LIMS1: variants seen among roughly 807,000 people sequenced by gnomAD.
The protein encoded by LIMS1 is LIM zinc finger domain containing 1.
A neutral mutation model predicts 44.1 loss-of-function variants in LIMS1; 18 were observed. That is an observed-to-expected ratio of 0.41 (90% confidence interval 0.28 to 0.61). The LOEUF (loss-of-function observed/expected upper bound fraction) is 0.61. Ranked by LOEUF, LIMS1 falls within the 20% of genes least tolerant of loss-of-function variation. The probability of loss-of-function intolerance (pLI) is 0.32; values close to 1 mark genes in which losing one functional copy is unlikely to be tolerated. For missense variants in LIMS1, 201 were observed against 422.0 expected, an observed-to-expected ratio of 0.48 and a Z score of 4.59; for synonymous variants, 93 against 149.1, an observed-to-expected ratio of 0.62 and a Z score of 2.74.
At chr2:108,546,000 A>G (rs1558781433) in intron 1 of LIMS1, among the ~76,000 whole-genome samples, 1 of 152,354 alleles carries the variant, frequency 6.6e-6, no homozygotes, top group East Asian at 1.9e-4. Flanking sequence ...TAATCTGATG[A>G]TACAATCTGA....
At chr2:108,551,483 G>GCA (rs1684694635) in intron 1 of LIMS1, among the ~76,000 whole-genome samples, 2 of 64,036 alleles carry the variant, frequency 3.1e-5, no homozygotes, top group Non-Finnish European at 5.9e-5. Flanking sequence ...ACATATATGC[G>GCA]CGCGCGCGCA....
chr2:108,677,689 T>G (rs1692665764), intron 7 of LIMS1, among the ~76,000 whole-genome samples: 2 of 152,124 alleles, frequency 1.3e-5, no homozygotes, highest in Admixed American at 1.3e-4. Flanking sequence ...CCACCTCCTC[T>G]CCCGTCTATA....
intron 1 of LIMS1, among the ~76,000 whole-genome samples, chr2:108,572,608 A>T (rs763619344): frequency 2.6e-5 from 4 of 151,332 alleles, no homozygotes; most frequent in Non-Finnish European, 4.4e-5. Context: ...TGGGTCTCGA[A>T]CTCCTGACCT....
chr2:108,608,799 T>C (rs1319915880), intron 1 of LIMS1, among the ~76,000 whole-genome samples: 1 of 152,168 alleles, frequency 6.6e-6, no homozygotes, highest in Non-Finnish European at 1.5e-5. Flanking sequence ...CACTCACCAG[T>C]TGGGAGCCCA....
rs869039624 is a variant in LIMS1, at chr2:108,681,427, CT to C, written c.899+667del. ...AACACCATATAGTATACATTTCTTTCTTTTTTTTTTAATGGATTTAAAGGGA... is the reference window on the plus strand; with the variant it reads ...AACACCATATAGTATACATTTCTTTCTTTTTTTTTAATGGATTTAAAGGGA... On this transcript the variant is annotated intron_variant, in intron 9 of 9. Transcript: ENST00000544547. 5,999 of 852,248 alleles carry C rather than the reference CT, an allele frequency of 7.0e-3. 31 individuals carry two copies. Among genetic ancestry groups the C allele is most frequent in the Non-Finnish European group, 8.1e-3 (5,751 of 709,528 alleles). The allele number at this position is 852,248 out of a possible 1,614,324, so 52.8% of individuals were successfully genotyped here.
At chr2:108,576,895 G>T (rs1338786726) in intron 1 of LIMS1, among the ~76,000 whole-genome samples, 1 of 152,156 alleles carries the variant, frequency 6.6e-6, no homozygotes, top group African/African-American at 2.4e-5. Flanking sequence ...TCAAGGACAG[G>T]GAGAACTCCC....
intron 1 of LIMS1, among the ~76,000 whole-genome samples, chr2:108,620,986 CT>C (rs1183439939): frequency 6.6e-6 from 1 of 152,208 alleles, no homozygotes. Flanking sequence ...GACTACCTTA[CT>C]GGAGCTTTTT....
intron 1 of LIMS1, among the ~76,000 whole-genome samples, chr2:108,641,886 G>A (rs956620116): frequency 1.3e-5 from 2 of 152,226 alleles, no homozygotes; most frequent in African/African-American, 4.8e-5. Flanking sequence ...TACAAAATGG[G>A]AAGGAACTTC....
chr2:108,673,169 A>G (rs1265576161), intron 5 of LIMS1, 140 bp downstream of exon 5: 18 of 1,293,918 alleles, frequency 1.4e-5, no homozygotes, highest in East Asian at 4.9e-5. Context: ...AGACGAGTCA[A>G]GAGAATGATA....
intron 1 of LIMS1, among the ~76,000 whole-genome samples, chr2:108,645,032 C>A (rs909485741): frequency 3.9e-5 from 6 of 152,094 alleles, no homozygotes; most frequent in Middle Eastern, 3.4e-3. Flanking sequence ...GATTGGTATA[C>A]CTGAAAGTGA....
At chr2:108,557,781 G>A (rs1005202738) in intron 1 of LIMS1, among the ~76,000 whole-genome samples, 2 of 152,272 alleles carry the variant, frequency 1.3e-5, no homozygotes, top group Non-Finnish European at 1.5e-5. Flanking sequence ...CTCCCAAAGC[G>A]CTAGAATTAC....
At chr2:108,674,719 CA>C (rs59992301) in intron 5 of LIMS1, among the ~76,000 whole-genome samples, 615 of 43,754 alleles carry the variant, frequency 0.014, 19 homozygotes, top group East Asian at 0.035. Flanking sequence ...AGACTCGTCT[CA>C]AAAAAAAAAA....
In LIMS1 at chr2:108,566,267, C is replaced by T. The variant is rs141981717; in HGVS notation, c.32+31673C>T. On this transcript the variant is annotated intron_variant, in intron 1 of 9. Transcript: ENST00000544547. Reference sequence around the variant, plus strand: ...GCATATCACGCAGAGCAGTGCAAGACTCAGTAAGGCTTTAATTCATGTAAG... The same window carrying T: ...GCATATCACGCAGAGCAGTGCAAGATTCAGTAAGGCTTTAATTCATGTAAG... Among the ~76,000 whole-genome samples, 579 of 152,250 alleles carry T rather than the reference C, an allele frequency of 3.8e-3. 3 individuals carry two copies. The highest frequency in any genetic ancestry group is 0.011 in the South Asian group (52 of 4,826).
chr2:108,671,918 G>A (rs1305829516), intron 3 of LIMS1, among the ~76,000 whole-genome samples: 19 of 152,260 alleles, frequency 1.2e-4, no homozygotes, highest in African/African-American at 7.2e-5. Context: ...GGTGGCTCAC[G>A]CCTATAATCC....
At chr2:108,667,549 A>ATATATATATAT (rs1321611682) in intron 2 of LIMS1, among the ~76,000 whole-genome samples, 19 of 73,436 alleles carry the variant, frequency 2.6e-4, no homozygotes, top group African/African-American at 8.5e-4. Flanking sequence ...AAAAAAAAAA[A>ATATATATATAT]AAATATATAT....
chr2:108,569,744 ACACT>A (rs1685416954), intron 1 of LIMS1, among the ~76,000 whole-genome samples: 1 of 139,380 alleles, frequency 7.2e-6, no homozygotes, highest in South Asian at 2.5e-4. Context: ...AGCATTACAA[ACACT>A]CACCGCCATA....
chr2:108,534,419 C>T (rs1361559551), exon 1 of LIMS1: 21 of 471,372 alleles, frequency 4.5e-5, no homozygotes, highest in Middle Eastern at 7.7e-4. Context: ...CCTCCCGCGC[C>T]CCCGCGCGGC....
Position 108,633,860 on chromosome 2 carries a change from G to T in LIMS1, c.33-25745G>T, listed in dbSNP as rs554706076. ...TTAAATGATAAGAAATTTACACACA[G>T]GTGTGTGTGTGTGTCCATCCTTGTG... On this transcript the variant is annotated intron_variant, in intron 1 of 9. Coordinates refer to ENST00000544547, the Ensembl canonical transcript of LIMS1. Among the ~76,000 whole-genome samples the T allele has an allele frequency of 3.3e-5, 5 of 152,066 alleles. No homozygotes were observed. In the South Asian group the frequency reaches 1.0e-3, roughly 32 times the overall value.
chr2:108,534,737 C>A, intron 1 of LIMS1, 143 bp downstream of exon 1: 1 of 288,666 alleles, frequency 3.5e-6, no homozygotes, highest in South Asian at 1.3e-4. Flanking sequence ...CCCCGACCCC[C>A]AGCGCTCGGG....
Sources: allele counts gnomAD v4.1 joint callset (sites outside exome capture counted in the v4.1 genomes callset), GRCh38; gene constraint gnomAD v4.1.1; transcripts MANE v1.5; gene names NCBI Gene and HGNC (gene_info 2026-07-23, HGNC 2026-07-21).